Variants in NPAS3 observed in about 807,000 individuals in gnomAD.
NPAS3 encodes neuronal PAS domain-containing protein 3.
NPAS3 carries 14 observed loss-of-function variants against 73.1 expected under a neutral mutation model. That is an observed-to-expected ratio of 0.19 (90% CI 0.13 to 0.30). NPAS3 has a LOEUF of 0.30. Among genes scored for constraint, NPAS3 ranks in the 10% least tolerant of loss-of-function variants. The pLI is 1.00. For synonymous variants in NPAS3, 620 were observed against 541.5 expected (o/e 1.14, Z -2.01); for missense variants, 1,096 against 1,250.0 (o/e 0.88, Z 1.86).
chr14:33,404,184 A>G (rs556234909), intron 4 of NPAS3, among the ~76,000 whole-genome samples: 133 of 152,256 alleles, frequency 8.7e-4, no homozygotes, highest in African/African-American at 3.1e-3. Flanking sequence ...GGTATTTCAT[A>G]ATCTCTTTGG....
chr14:33,370,543 A>G (rs574845735), intron 4 of NPAS3, among the ~76,000 whole-genome samples: 145 of 152,250 alleles, frequency 9.5e-4, no homozygotes, highest in African/African-American at 3.3e-3. Flanking sequence ...CTCCATGAAG[A>G]GTCCATGGAG....
At chr14:33,510,021 C>T (rs1204940591) in intron 4 of NPAS3, among the ~76,000 whole-genome samples, 1 of 152,008 alleles carries the variant, frequency 6.6e-6, no homozygotes, top group East Asian at 1.9e-4. Context: ...TTCCCCTCCC[C>T]CAGCACGCCC....
chr14:33,700,871 G>A (rs916264210), intron 6 of NPAS3, among the ~76,000 whole-genome samples: 2 of 152,178 alleles, frequency 1.3e-5, no homozygotes, highest in Admixed American at 6.5e-5. Context: ...GGAAGATTTC[G>A]CTACTATCCA....
chr14:33,679,208 T>C (rs2059862655), intron 6 of NPAS3, among the ~76,000 whole-genome samples: 1 of 152,200 alleles, frequency 6.6e-6, no homozygotes, highest in Admixed American at 6.5e-5. Flanking sequence ...AATGTGACTC[T>C]CACCAGTAGA....
intron 3 of NPAS3, among the ~76,000 whole-genome samples, chr14:33,305,566 A>G (rs1244736465): frequency 6.6e-6 from 1 of 152,064 alleles, no homozygotes; most frequent in Admixed American, 6.6e-5. Flanking sequence ...TCAAGTAAGT[A>G]TTTTCTGGTT....
intron 4 of NPAS3, among the ~76,000 whole-genome samples, chr14:33,502,179 G>A (rs1021564070): frequency 7.9e-5 from 12 of 151,968 alleles, no homozygotes; most frequent in African/African-American, 2.9e-4. Context: ...ATGGCAGCTG[G>A]GGTTAGTGAA....
At position 33,323,300 on chromosome 14, in the gene NPAS3, G is replaced by C. The variant is rs989859080; in HGVS notation, c.386-43886G>C. Among the ~76,000 whole-genome samples, 30 of 152,164 alleles carry C rather than the reference G, an allele frequency of 2.0e-4. 1 individual carries two copies. The highest frequency in any genetic ancestry group is 7.2e-4 in the African/African-American group (30 of 41,432). The stretch of plus-strand genomic sequence containing the variant: ...AGTGTTCAGTAATGTTGTGGACAAA[G>C]AAACAATTTTATAATGAAAATAATC... On this transcript the variant is annotated intron_variant, in intron 3 of 11. Transcript: ENST00000356141.
At chr14:33,598,537 G>T (rs1231920302) in intron 5 of NPAS3, among the ~76,000 whole-genome samples, 1 of 152,204 alleles carries the variant, frequency 6.6e-6, no homozygotes, top group Non-Finnish European at 1.5e-5. Flanking sequence ...GTGAATTCAA[G>T]GGGGTCATAT....
chr14:33,372,809 T>C (rs1057085752), intron 4 of NPAS3, among the ~76,000 whole-genome samples: 3 of 152,124 alleles, frequency 2.0e-5, no homozygotes, highest in Non-Finnish European at 4.4e-5. Context: ...GGGGTAAAGG[T>C]TGGGATTTGT....
intron 9 of NPAS3, among the ~76,000 whole-genome samples, chr14:33,790,620 CA>C (rs1233102788): frequency 6.6e-6 from 1 of 151,990 alleles, no homozygotes; most frequent in African/African-American, 2.4e-5. Flanking sequence ...GAGGCCCAAG[CA>C]AAAGGTATTT....
At chr14:32,942,336 A>C (rs2036052263) in intron 1 of NPAS3, among the ~76,000 whole-genome samples, 1 of 152,204 alleles carries the variant, frequency 6.6e-6, no homozygotes, top group African/African-American at 2.4e-5. Context: ...ATACAGTACC[A>C]AAGTCATTTC....
intron 5 of NPAS3, among the ~76,000 whole-genome samples, chr14:33,640,847 A>C (rs1279211711): frequency 6.6e-6 from 1 of 152,250 alleles, no homozygotes; most frequent in Non-Finnish European, 1.5e-5. Flanking sequence ...ATGTAGATGT[A>C]AAATAGTATT....
intron 7 of NPAS3, among the ~76,000 whole-genome samples, chr14:33,764,778 G>A (rs1008655551): frequency 1.1e-4 from 16 of 152,202 alleles, no homozygotes; most frequent in African/African-American, 3.9e-4. Flanking sequence ...GTAGTACAAT[G>A]GGCCTCTGTC....
chr14:32,950,096 C>G (rs1401541118), intron 1 of NPAS3, among the ~76,000 whole-genome samples: 1 of 151,958 alleles, frequency 6.6e-6, no homozygotes, highest in Non-Finnish European at 1.5e-5. Context: ...ATTTAAACAT[C>G]CGTTAGTTAC....
At chr14:33,762,948 C>T (rs2062342339) in intron 7 of NPAS3, among the ~76,000 whole-genome samples, 3 of 152,100 alleles carry the variant, frequency 2.0e-5, no homozygotes, top group Admixed American at 1.3e-4. Flanking sequence ...TTTGGGAAAA[C>T]AAAAGAGGAA....
At chr14:33,508,872 C>G (rs531781097) in intron 4 of NPAS3, among the ~76,000 whole-genome samples, 1 of 151,468 alleles carries the variant, frequency 6.6e-6, no homozygotes, top group Non-Finnish European at 1.5e-5. Context: ...TGACATCACT[C>G]TCACCCCTGA....
chr14:33,472,545 G>T (rs1359584931), intron 4 of NPAS3, among the ~76,000 whole-genome samples: 1 of 143,382 alleles, frequency 7.0e-6, no homozygotes, highest in African/African-American at 3.0e-5. Context: ...TTGAGAATAG[G>T]CTGGAAGTTG....
intron 4 of NPAS3, among the ~76,000 whole-genome samples, chr14:33,513,388 T>C (rs1356525350): frequency 6.6e-6 from 1 of 152,040 alleles, no homozygotes; most frequent in Non-Finnish European, 1.5e-5. Context: ...ATAATAAAAG[T>C]GATGATTTAT....
At chr14:33,718,724 G>T (rs1249273460) in intron 6 of NPAS3, among the ~76,000 whole-genome samples, 10 of 152,226 alleles carry the variant, frequency 6.6e-5, no homozygotes, top group African/African-American at 2.4e-4. Flanking sequence ...ACCTCCACGT[G>T]GATTTATTTG....
Sources: gnomAD v4.1 joint callset for allele counts (sites outside exome capture counted in the v4.1 genomes callset) on GRCh38, gnomAD v4.1.1 for gene constraint, MANE v1.5 for transcripts, NCBI Gene and HGNC (gene_info 2026-07-23, HGNC 2026-07-21) for gene names.